Variants in ZNF385D observed in about 807,000 individuals in gnomAD.
ZNF385D encodes the protein zinc finger protein 659.
ZNF385D carries 15 observed loss-of-function variants against 35.8 expected under a neutral mutation model. The observed-to-expected ratio is 0.42, with a 90% confidence interval of 0.28 to 0.64. The LOEUF is 0.64. ZNF385D is among the 30% of genes least tolerant of loss of function. ZNF385D has a pLI of 0.23. For missense variants in ZNF385D, 474 were observed against 494.6 expected (o/e 0.96, Z 0.39); for synonymous variants, 212 against 186.8 (o/e 1.13, Z -1.10).
intron 3 of ZNF385D, among the ~76,000 whole-genome samples, chr3:21,781,159 A>G (rs573390738): frequency 6.6e-6 from 1 of 152,154 alleles, no homozygotes; most frequent in African/African-American, 2.4e-5. Context: ...TCCTTTAGAA[A>G]ATGAAAAGTA....
intron 3 of ZNF385D, among the ~76,000 whole-genome samples, chr3:22,087,802 C>T (rs1226248919): frequency 2.0e-5 from 3 of 152,096 alleles, no homozygotes; most frequent in African/African-American, 7.2e-5. Context: ...GAAGATGTAA[C>T]AGTGAGAATA....
At chr3:21,572,311 A>G (rs2063359049) in intron 2 of ZNF385D, among the ~76,000 whole-genome samples, 1 of 152,194 alleles carries the variant, frequency 6.6e-6, no homozygotes, top group African/African-American at 2.4e-5. Context: ...TACAGTTGTA[A>G]GCATAATATG....
At chr3:21,582,730 C>T (rs988943122) in intron 2 of ZNF385D, among the ~76,000 whole-genome samples, 5 of 151,832 alleles carry the variant, frequency 3.3e-5, no homozygotes, top group African/African-American at 4.8e-5. Context: ...GGTACAGTCA[C>T]CTTTTGGTTG....
intron 3 of ZNF385D, among the ~76,000 whole-genome samples, chr3:21,899,140 T>C (rs920487247): frequency 6.6e-6 from 1 of 151,954 alleles, no homozygotes; most frequent in African/African-American, 2.4e-5. Flanking sequence ...GGCAGGAGGG[T>C]GTCCTACTAG....
In ZNF385D at chr3:21,565,327, A is replaced by G. The variant is rs534560869; in HGVS notation, c.166-643T>C. Among the ~76,000 whole-genome samples, 225 of 152,230 alleles carry G rather than the reference A, an allele frequency of 1.5e-3. 1 individual carries two copies. Among genetic ancestry groups the G allele is most frequent in the Non-Finnish European group, 2.0e-3 (137 of 68,004 alleles). ...AGTTATCTCCCTCCATTTTATTTCC[A>G]GGACAGGACAAACAACAAGAAAAAC... On this transcript the variant is annotated intron_variant, in intron 2 of 7. Transcript: ENST00000281523.
rs1237959306 is a variant in ZNF385D at position 21,413,858 on chromosome 3, A to G, written c.*7356T>C. On this transcript the variant is annotated 3_prime_UTR_variant, in exon 8 of 8. Coordinates refer to ENST00000281523, the MANE Select transcript of ZNF385D (RefSeq NM_024697.3). ...TGGATTAAAATATTTTTAGATCTCA[A>G]AACTAAAGTTCAAATTGGCTCATGT... The G allele has an allele frequency of 5.3e-5, 8 of 152,128 alleles. No individual in the cohort carries two copies. The highest frequency in any genetic ancestry group is 1.0e-4 in the Non-Finnish European group (7 of 67,986). 9.4% of individuals were successfully genotyped at this position (152,128 alleles called of 1,614,324 possible). A position where few individuals can be genotyped will look rare whatever the true frequency, so the allele number is the denominator to read the frequency against.
At chr3:22,169,729 G>A (rs781221545) in intron 2 of ZNF385D, among the ~76,000 whole-genome samples, 1 of 152,122 alleles carries the variant, frequency 6.6e-6, no homozygotes, top group African/African-American at 2.4e-5. Context: ...ATAAATGTAC[G>A]CTTTGTATAC....
chr3:21,975,355 A>C (rs1203614614), intron 3 of ZNF385D, among the ~76,000 whole-genome samples: 3 of 152,148 alleles, frequency 2.0e-5, no homozygotes, highest in Non-Finnish European at 4.4e-5. Context: ...CTAAAAATTA[A>C]AACAATGCAA....
intron 3 of ZNF385D, among the ~76,000 whole-genome samples, chr3:21,899,082 G>A (rs1252452117): frequency 6.6e-6 from 1 of 152,098 alleles, no homozygotes; most frequent in Non-Finnish European, 1.5e-5. Flanking sequence ...TTATTCCCCA[G>A]TTGGACATTT....
rs1468545972 is a variant in ZNF385D at position 21,646,655 on chromosome 3, CAG to C, written c.165+18229_165+18230del. Among the ~76,000 whole-genome samples the C allele has an allele frequency of 1.3e-5, 2 of 152,134 alleles. No individual in the cohort carries two copies. The highest frequency in any genetic ancestry group is 2.9e-5 in the Non-Finnish European group (2 of 68,044). ...ACAACTCTTCAGTCTCCATTTACTT[CAG>C]AGGCAATTAGAAAGAAAGAAACAGG... is the stretch of plus-strand genomic sequence containing the variant. On this transcript the variant is annotated intron_variant, in intron 2 of 7. Transcript: ENST00000281523. The surrounding 1 kb of genome is among the most constrained non-coding windows in gnomAD (Gnocchi z 4.3).
Position 21,711,059 on chromosome 3 carries a change from TG to T in ZNF385D, c.22+39835del, listed in dbSNP as rs1553641988. Among the ~76,000 whole-genome samples, 18 of 145,158 alleles carry T rather than the reference TG, an allele frequency of 1.2e-4. 1 individual carries two copies. The South Asian group carries it at 3.8e-3, about 31-fold the overall frequency. ...TAAAAGTTTTTTTTTTTTTTTTTTT[TG>T]AGATGGAGTCTTGCTCTGTCGCCTA... On this transcript the variant is annotated intron_variant, in intron 1 of 7. Transcript: ENST00000281523.
chr3:21,656,082 C>T (rs1292943594), intron 2 of ZNF385D, among the ~76,000 whole-genome samples: 1 of 151,886 alleles, frequency 6.6e-6, no homozygotes, highest in Non-Finnish European at 1.5e-5. Flanking sequence ...AACTTTCTTA[C>T]CCTTACAACT....
intron 2 of ZNF385D, among the ~76,000 whole-genome samples, chr3:22,315,092 T>A (rs1170763547): frequency 6.6e-6 from 1 of 152,152 alleles, no homozygotes; most frequent in African/African-American, 2.4e-5. Flanking sequence ...ATAGGTAATA[T>A]TCACAAATAG....
At chr3:22,224,115 T>C (rs572996432) in intron 2 of ZNF385D, among the ~76,000 whole-genome samples, 1 of 152,290 alleles carries the variant, frequency 6.6e-6, no homozygotes, top group Admixed American at 6.5e-5. Flanking sequence ...AAACTGGTCA[T>C]GAATTTGACC....
chr3:21,651,806 C>A (rs1378044870), intron 2 of ZNF385D, among the ~76,000 whole-genome samples: 1 of 152,062 alleles, frequency 6.6e-6, no homozygotes, highest in Non-Finnish European at 1.5e-5. Context: ...AAAATAAAGA[C>A]CTTTCTATAA....
intron 3 of ZNF385D, among the ~76,000 whole-genome samples, chr3:21,533,079 GACAA>G (rs2061960234): frequency 2.0e-5 from 3 of 152,138 alleles, no homozygotes; most frequent in Non-Finnish European, 2.9e-5. Flanking sequence ...AAGCTACAGT[GACAA>G]ACAAGGCCAC....
intron 3 of ZNF385D, among the ~76,000 whole-genome samples, chr3:21,787,640 A>G (rs2943747): frequency 0.89 from 134,546 of 152,006 alleles, 60,141 homozygotes; most frequent in East Asian, 0.98. Context: ...TGCAATGAAA[A>G]TCACCAGGCC....
rs554216937 is a variant in ZNF385D, at chr3:21,675,209, A to G, written c.23-10181T>C. On this transcript the variant is annotated intron_variant, in intron 1 of 7. Transcript: ENST00000281523. The stretch of plus-strand genomic sequence containing the variant: ...ATTATTGTTTTCTTCAGAAAAATAA[A>G]TGGCCCAAACACACTAAGTCCTAGG... Among the ~76,000 whole-genome samples, 3 of 152,084 alleles carry G rather than the reference A, an allele frequency of 2.0e-5. No homozygotes were observed. In the East Asian group the frequency reaches 5.8e-4, roughly 29 times the overall value.
At chr3:21,933,167 A>G (rs1701097398) in intron 3 of ZNF385D, among the ~76,000 whole-genome samples, 1 of 152,196 alleles carries the variant, frequency 6.6e-6, no homozygotes. Flanking sequence ...ATATTTAAAG[A>G]CCAATAAAAT....
Sources: allele counts gnomAD v4.1 joint callset (sites outside exome capture counted in the v4.1 genomes callset), GRCh38; gene constraint gnomAD v4.1.1; non-coding constraint Gnocchi (gnomAD v3.1); transcripts MANE v1.5; gene names NCBI Gene and HGNC (gene_info 2026-07-23, HGNC 2026-07-21).